ABCA13: variants seen among roughly 807,000 people sequenced by gnomAD.
ABCA13 encodes the protein ATP binding cassette subfamily A member 13, also known as ATP-binding cassette sub-family A member 13.
A neutral mutation model predicts 478.7 loss-of-function variants in ABCA13; 476 were observed. That is an observed-to-expected ratio of 0.99 (90% CI 0.92 to 1.07). The LOEUF is 1.07. ABCA13 is among the 50% of genes least tolerant of loss of function. The pLI, the probability that ABCA13 is intolerant of heterozygous loss-of-function variation, is 0.00. For missense variants in ABCA13, 6,060 were observed against 5,910.6 expected (o/e 1.03, Z -0.83); for synonymous variants, 2,252 against 2,158.9 (o/e 1.04, Z -1.20).
intron 58 of ABCA13, among the ~76,000 whole-genome samples, chr7:48,596,390 A>T (rs1205152237): frequency 6.6e-6 from 1 of 152,204 alleles, no homozygotes; most frequent in African/African-American, 2.4e-5. Context: ...ATATAACTTA[A>T]CCACTGTAAG....
At chr7:48,213,112 CT>C (rs1410442057) in intron 3 of ABCA13, among the ~76,000 whole-genome samples, 1 of 151,892 alleles carries the variant, frequency 6.6e-6, no homozygotes, top group African/African-American at 2.4e-5. Context: ...TGTGATGTAA[CT>C]TTTGAGGTTT....
At chr7:48,423,761 A>G (rs76251757) in intron 41 of ABCA13, among the ~76,000 whole-genome samples, 2,322 of 152,312 alleles carry the variant, frequency 0.015, 53 homozygotes, top group African/African-American at 0.053. Flanking sequence ...AATTACTTTC[A>G]TGCTAGTTAG....
At position 48,237,017 on chromosome 7, in the gene ABCA13, T is replaced by G. The variant is rs866824577; in HGVS notation, c.898-2224T>G. On this transcript the variant is annotated intron_variant, in intron 8 of 61. Coordinates refer to ENST00000435803, the MANE Select transcript of ABCA13 (RefSeq NM_152701.5). ...TTGAGAACTCAGAGGGTAGGGTTTT[T>G]TTTTTTTTTTTTTTTTTGGATAATT... Among the ~76,000 whole-genome samples, 145 of 149,240 alleles carry G rather than the reference T, an allele frequency of 9.7e-4. 5 individuals are homozygous for G. Among genetic ancestry groups the G allele is most frequent in the South Asian group, 2.1e-3 (10 of 4,692 alleles).
intron 8 of ABCA13, among the ~76,000 whole-genome samples, chr7:48,234,484 G>C (rs758513047): frequency 2.8e-4 from 42 of 152,302 alleles, no homozygotes; most frequent in Middle Eastern, 3.4e-3. Flanking sequence ...GTCCAGGTAG[G>C]AAGATGGTGC....
rs1429463249 is a variant in ABCA13, at chr7:48,583,835, C to T, written c.14506-3319C>T. On this transcript the variant is annotated intron_variant, in intron 56 of 61. Transcript: ENST00000435803. ...CAGAAAAGACTACAGCAAAATACTT[C>T]TTATTAGGCTATTTTCAGTTATTTT... 2.6e-5 allele frequency among the ~76,000 whole-genome samples: 4 copies of T among 152,182 alleles called. No homozygotes were observed. The South Asian group carries it at 8.3e-4, about 32-fold the overall frequency.
intron 15 of ABCA13, among the ~76,000 whole-genome samples, chr7:48,268,302 GC>G: frequency 6.6e-6 from 1 of 151,934 alleles, no homozygotes; most frequent in South Asian, 2.1e-4. Context: ...GATCACAGGC[GC>G]CCACCACCAC....
At chr7:48,543,646 AT>A (rs1585755499) in intron 55 of ABCA13, among the ~76,000 whole-genome samples, 1 of 151,838 alleles carries the variant, frequency 6.6e-6, no homozygotes, top group Admixed American at 6.6e-5. Context: ...AATAAAAAAA[AT>A]AAAAAATAGG....
chr7:48,248,298 A>C lies in ABCA13; in HGVS notation c.1719A>C (p.Glu573Asp). The stretch of plus-strand genomic sequence containing the variant: ...AAAATATGTCAGTTTTAATACCTGA[A>C]GAATATTTGGACTGGCAGGAACTTG... Reference protein sequence around the residue: ...WHKNMSVLIPEEYLDWQELEM... With the variant: ...WHKNMSVLIPDEYLDWQELEM... The change falls in exon 14 of 62, where the codon GAA becomes GAC. Residue 573 changes from glutamate (E) to aspartate (D), a missense_variant. Physicochemically the swap from Glu to Asp is conservative, Grantham distance 45 (BLOSUM62 2). This residue lies in a region of ABCA13 where 4,423 missense variants were observed against 4,309.1 expected (regional missense o/e 1.03). Transcript: ENST00000435803. 2 of 1,613,886 alleles carry C rather than the reference A, an allele frequency of 1.2e-6. No individual in the cohort carries two copies. Among genetic ancestry groups the C allele is most frequent in the East Asian group, 4.5e-5 (2 of 44,880 alleles).
In ABCA13 at chr7:48,374,335, A is replaced by G. The variant is rs375905468; in HGVS notation, c.11134-12A>G. 123 of 1,604,630 alleles carry G rather than the reference A, an allele frequency of 7.7e-5. No individual in the cohort carries two copies. Among genetic ancestry groups the G allele is most frequent in the Non-Finnish European group, 1.0e-4 (121 of 1,176,224 alleles). On this transcript the variant is annotated splice_polypyrimidine_tract_variant and intron_variant, in intron 33 of 61. Coordinates refer to ENST00000435803, the MANE Select transcript of ABCA13 (RefSeq NM_152701.5). ...ACTAACGTGCAGTTTTTCTCCATCA[A>G]TCTGTGGGCAGTGCCTTCTTTCGAC...
Position 48,272,644 on chromosome 7 carries a change from A to G in ABCA13, c.2978A>G (p.Lys993Arg). The G allele has an allele frequency of 6.2e-7, 1 of 1,613,190 alleles. No individual in the cohort carries two copies. Among genetic ancestry groups the G allele is most frequent in the Non-Finnish European group, 8.5e-7 (1 of 1,179,478 alleles). Residue 993 changes from lysine to arginine, a missense_variant, in exon 17 of 62, where the codon AAA becomes AGA. Lys to Arg is a conservative substitution (Grantham distance 26). Coordinates refer to ENST00000435803, the MANE Select transcript of ABCA13 (RefSeq NM_152701.5). The stretch of plus-strand genomic sequence containing the variant: ...TTGACTTTCCTTACACAAATCTCAA[A>G]ACACATTTTGGATATCATAAAACAA... ...SSLTFLTQIS[K>R]HILDIIKQFN...
At chr7:48,239,693 G>A (rs148717869) in intron 9 of ABCA13, among the ~76,000 whole-genome samples, 2 of 152,334 alleles carry the variant, frequency 1.3e-5, no homozygotes, top group African/African-American at 4.8e-5. Context: ...TCTGTTATTG[G>A]TGCATGAGAT....
intron 56 of ABCA13, among the ~76,000 whole-genome samples, chr7:48,586,330 T>C (rs1789174654): frequency 1.3e-5 from 2 of 152,068 alleles, no homozygotes; most frequent in Non-Finnish European, 1.5e-5. Flanking sequence ...TTGCAAACAT[T>C]AACAGTGGCT....
chr7:48,255,927 C>T (rs1318384522), intron 15 of ABCA13, among the ~76,000 whole-genome samples: 3 of 152,280 alleles, frequency 2.0e-5, no homozygotes, highest in Middle Eastern at 3.4e-3. Flanking sequence ...TTCCCTCTAA[C>T]AGTGTGTAAG....
At chr7:48,598,664 C>T (rs186354233) in intron 58 of ABCA13, among the ~76,000 whole-genome samples, 286 of 151,888 alleles carry the variant, frequency 1.9e-3, no homozygotes, top group African/African-American at 6.4e-3. Flanking sequence ...TAATGTCTTT[C>T]GAAGTGCAAA....
intron 47 of ABCA13, among the ~76,000 whole-genome samples, chr7:48,484,058 C>G (rs1214512225): frequency 6.6e-6 from 1 of 152,200 alleles, no homozygotes; most frequent in African/African-American, 2.4e-5. Flanking sequence ...GGCACTCTCT[C>G]TCTTCTGTAG....
At chr7:48,506,694 A>C (rs995262480) in intron 49 of ABCA13, among the ~76,000 whole-genome samples, 17 of 152,230 alleles carry the variant, frequency 1.1e-4, no homozygotes, top group African/African-American at 3.6e-4. Flanking sequence ...TCTTCTGAAG[A>C]GTTTTCGGGG....
intron 38 of ABCA13, among the ~76,000 whole-genome samples, chr7:48,401,665 C>T (rs1298723987): frequency 6.6e-6 from 1 of 151,848 alleles, no homozygotes; most frequent in Non-Finnish European, 1.5e-5. Flanking sequence ...TTATAAAATA[C>T]ACATGAATGA....
chr7:48,605,939 T>C (rs1484727644), intron 58 of ABCA13, among the ~76,000 whole-genome samples: 2 of 152,226 alleles, frequency 1.3e-5, no homozygotes. Context: ...TAATCATGTC[T>C]TCTTGCTTTA....
intron 59 of ABCA13, among the ~76,000 whole-genome samples, chr7:48,634,715 A>G (rs1794481627): frequency 6.6e-6 from 1 of 152,076 alleles, no homozygotes; most frequent in South Asian, 2.1e-4. Flanking sequence ...CTTAAGGTAT[A>G]CAGTTGAGTA....
Sources: allele counts gnomAD v4.1 joint callset (sites outside exome capture counted in the v4.1 genomes callset), GRCh38; gene constraint gnomAD v4.1.1; regional missense constraint gnomAD v4.1.1; transcripts MANE v1.5; gene names NCBI Gene and HGNC (gene_info 2026-07-23, HGNC 2026-07-21).